Variants in MYH2 observed in about 807,000 individuals in gnomAD.
MYH2 encodes the protein myosin heavy chain 2.
In MYH2, 139 loss-of-function variants were observed where a neutral mutation model predicts 228.1. The ratio of observed to expected loss-of-function variants is 0.61; its 90% CI spans 0.53 to 0.70. The LOEUF (loss-of-function observed/expected upper bound fraction) is 0.70, where lower values mean the gene tolerates loss of function less well. Among genes scored for constraint, MYH2 ranks in the 30% least tolerant of loss-of-function variants. The pLI is 0.00. For missense variants in MYH2, 1,809 were observed against 2,357.5 expected (o/e 0.77, Z 4.82); for synonymous variants, 796 against 871.1 (o/e 0.91, Z 1.52).
intron 5 of MYH2, among the ~76,000 whole-genome samples, chr17:10,544,861 C>T (rs1036187087): frequency 6.6e-6 from 1 of 152,012 alleles, no homozygotes; most frequent in African/African-American, 2.4e-5. Flanking sequence ...GGGCAAAGGG[C>T]GATAGCATTG....
intron 35 of MYH2, 34 bp from the exon 36 acceptor site, chr17:10,523,918 G>T: frequency 6.2e-7 from 1 of 1,603,558 alleles, no homozygotes; most frequent in Non-Finnish European, 8.5e-7. Flanking sequence ...TTAAAAAATT[G>T]TGTTACCAAA....
intron 39 of MYH2, among the ~76,000 whole-genome samples, chr17:10,521,772 A>G (rs1292452650): frequency 6.6e-6 from 1 of 151,986 alleles, no homozygotes; most frequent in Non-Finnish European, 1.5e-5. Flanking sequence ...TTTTCCCTTG[A>G]GTTAGATTTT....
chr17:10,546,256 G>GATATATATATATATATATATAT lies in MYH2; in HGVS notation c.349-776_349-755dup, dbSNP rs71139049. Reference sequence around the variant, plus strand: ...GTTATAAGGAAACAGGACACGAAATGATATATATATATATATATATATATA... The same window carrying GATATATATATATATATATATAT: ...GTTATAAGGAAACAGGACACGAAATGATATATATATATATATATATATATATATATATATATATATATATATA... On this transcript the variant is annotated intron_variant, in intron 4 of 39. Transcript: ENST00000245503. Among the ~76,000 whole-genome samples the GATATATATATATATATATATAT allele has an allele frequency of 1.6e-3, 108 of 66,112 alleles. 12 individuals carry two copies. Among genetic ancestry groups the GATATATATATATATATATATAT allele is most frequent in the Middle Eastern group, 7.9e-3 (1 of 126 alleles). 43.4% of individuals were successfully genotyped at this position (66,112 alleles called of 152,430 possible).
Position 10,542,912 on chromosome 17 carries a change from A to C in MYH2, c.867T>G (p.Phe289Leu). Reference sequence around the variant, plus strand: ...GTTTCTTATTCGATGTAATCTGGTAAAAAATATGATAACTTCTCTCAGCCT... The same window carrying C: ...GTTTCTTATTCGATGTAATCTGGTACAAAATATGATAACTTCTCTCAGCCT... ...QLKAERSYHI[F>L]YQITSNKKPE... The change falls in exon 10 of 40, where the codon TTT (phenylalanine) becomes TTG (leucine). Residue 289 changes from phenylalanine (F) to leucine (L), a missense_variant. Coordinates refer to ENST00000245503, the MANE Select transcript of MYH2 (RefSeq NM_017534.6). The C allele has an allele frequency of 6.2e-7, 1 of 1,612,298 alleles. No individual in the cohort carries two copies. The highest frequency in any genetic ancestry group is 8.5e-7 in the Non-Finnish European group (1 of 1,178,600).
chr17:10,540,700 A>G lies in MYH2; in HGVS notation c.905-3T>C. On this transcript the variant is annotated splice_region_variant and splice_polypyrimidine_tract_variant and intron_variant, in intron 10 of 39. Transcript: ENST00000245503. ...GTTCGTGGTAATCAGAAGCATTTCTAAGTACAGGAAACAGAACAAAGATAA... is the reference window on the plus strand; with the variant it reads ...GTTCGTGGTAATCAGAAGCATTTCTGAGTACAGGAAACAGAACAAAGATAA... 1 of 1,580,852 alleles carries G rather than the reference A, an allele frequency of 6.3e-7. No individual in the cohort carries two copies. The highest frequency in any genetic ancestry group is 8.7e-7 in the Non-Finnish European group (1 of 1,149,526).
Position 10,546,333 on chromosome 17 carries a change from G to T in MYH2, c.349-831C>A, listed in dbSNP as rs549451811. Among the ~76,000 whole-genome samples the T allele has an allele frequency of 6.7e-4, 87 of 130,780 alleles. No homozygotes were observed. In the East Asian group the frequency reaches 0.019, roughly 29 times the overall value. The allele number at this position is 130,780 out of a possible 152,430, so 85.8% of individuals were successfully genotyped here. On this transcript the variant is annotated intron_variant, in intron 4 of 39. Transcript: ENST00000245503. ...GGGATTTAAAAAATCTTTGACAATTGGTTCAAGACAAGCACCAACTAGTTA... is the reference window on the plus strand; with the variant it reads ...GGGATTTAAAAAATCTTTGACAATTTGTTCAAGACAAGCACCAACTAGTTA...
At chr17:10,546,256 G>GATATATATATATATATATATATATATAT (rs71139049) in intron 4 of MYH2, among the ~76,000 whole-genome samples, 7 of 66,132 alleles carry the variant, frequency 1.1e-4, no homozygotes, top group African/African-American at 2.9e-4. Flanking sequence ...GACACGAAAT[G>GATATATATATATATATATATATATATAT]ATATATATAT....
chr17:10,541,472 C>G (rs2142316000), intron 10 of MYH2, among the ~76,000 whole-genome samples: 1 of 152,328 alleles, frequency 6.6e-6, no homozygotes, highest in East Asian at 1.9e-4. Context: ...CGGTTGTCTG[C>G]TCTCAAACCC....
At chr17:10,535,851 AT>A (rs1430759791) in intron 17 of MYH2, among the ~76,000 whole-genome samples, 1 of 152,178 alleles carries the variant, frequency 6.6e-6, no homozygotes, top group Non-Finnish European at 1.5e-5. Flanking sequence ...ACCAATTATA[AT>A]TGAAAATTGA....
chr17:10,536,453 A>G lies in MYH2; in HGVS notation c.1974+77T>C, dbSNP rs3744568. 68,193 of 1,171,752 alleles carry G rather than the reference A, an allele frequency of 0.058. 2,313 individuals carry two copies. Among genetic ancestry groups the G allele is most frequent in the South Asian group, 0.11 (8,128 of 73,438 alleles). The allele number at this position is 1,171,752 out of a possible 1,614,324, so 72.6% of individuals were successfully genotyped here. A position where few individuals can be genotyped will look rare whatever the true frequency, so the allele number is the denominator to read the frequency against. ...ATAAATATATCCTTAGAACAAAAATAGAAGTTCAGAAAAACAGACCCATGT... is the reference window on the plus strand; with the variant it reads ...ATAAATATATCCTTAGAACAAAAATGGAAGTTCAGAAAAACAGACCCATGT... On this transcript the variant is annotated intron_variant, in intron 17 of 39. Coordinates refer to ENST00000245503, the MANE Select transcript of MYH2 (RefSeq NM_017534.6).
chr17:10,525,869 G>A lies in MYH2; in HGVS notation c.4195C>T (p.Leu1399=). The part of the protein sequence containing the change: ...TEELEEAKKK[L]AQRLQAAEEH... Reference sequence around the variant, plus strand: ...TCAGCTGCCTGCAGCCGCTGGGCCAGCTTCTTCCTTGAATATTATACATGT... The same window carrying A: ...TCAGCTGCCTGCAGCCGCTGGGCCAACTTCTTCCTTGAATATTATACATGT... Residue 1399 remains leucine (L), a synonymous_variant, in exon 31 of 40, where the codon CTG becomes TTG. Transcript: ENST00000245503. The surrounding 1 kb of genome is among the most constrained non-coding windows in gnomAD (Gnocchi z 4.2). 1.2e-6 allele frequency: 2 copies of A among 1,614,128 alleles called. No homozygotes were observed. Among genetic ancestry groups the A allele is most frequent in the Non-Finnish European group, 8.5e-7 (1 of 1,179,994 alleles).
In MYH2 at chr17:10,545,395, C is replaced by T. The variant is rs772443784; in HGVS notation, c.456G>A (p.Pro152=). ...AYRGKKRQEA[P]PHIFSISDNA... ...TGTCAGAGATGGAGAAGATGTGGGG[C>T]GGGGCCTCCTGGCGCTTTTTGCCTC... The change falls in exon 5 of 40, where the codon CCG becomes CCA. Residue 152 remains proline (P), a synonymous_variant. Coordinates refer to ENST00000245503, the MANE Select transcript of MYH2 (RefSeq NM_017534.6). The T allele has an allele frequency of 5.6e-6, 9 of 1,613,906 alleles. No homozygotes were observed. The highest frequency in any genetic ancestry group is 2.2e-5 in the East Asian group (1 of 44,888).
At chr17:10,535,014 C>T in intron 19 of MYH2, 59 bp downstream of exon 19, 3 of 1,561,678 alleles carry the variant, frequency 1.9e-6, no homozygotes, top group Non-Finnish European at 2.6e-6. Flanking sequence ...AATTGTTTTG[C>T]TTGCATTAAA....
chr17:10,545,280 G>A, intron 5 of MYH2, 66 bp downstream of exon 5: 4 of 1,611,136 alleles, frequency 2.5e-6, no homozygotes, highest in Non-Finnish European at 3.4e-6. Flanking sequence ...AGATTGCCTC[G>A]AGTCTCTTTC....
intron 16 of MYH2, 111 bp from the exon 17 acceptor site, chr17:10,536,717 C>A: frequency 3.1e-6 from 3 of 970,380 alleles, no homozygotes; most frequent in Non-Finnish European, 1.6e-6. Flanking sequence ...CCCAGCTGGC[C>A]TCTCTGATTG....
chr17:10,523,407 C>A lies in MYH2; in HGVS notation c.5478G>T (p.Arg1826=), dbSNP rs1035499539. 1.7e-5 allele frequency: 27 copies of A among 1,614,192 alleles called. No homozygotes were observed. The highest frequency in any genetic ancestry group is 2.2e-5 in the Non-Finnish European group (26 of 1,180,040). ...KQIQKLEARV[R]ELEGEVESEQ... The stretch of plus-strand genomic sequence containing the variant: ...CACTCTCAACCTCTCCTTCCAGCTC[C>A]CGTACCTGCAAATAAGTAGGCTCTT... Residue 1826 remains arginine, a synonymous_variant, in exon 38 of 40, where the codon CGG becomes CGT. Coordinates refer to ENST00000245503, the MANE Select transcript of MYH2 (RefSeq NM_017534.6).
intron 17 of MYH2, 112 bp downstream of exon 17, chr17:10,536,418 A>G (rs1345214165): frequency 2.4e-6 from 2 of 833,072 alleles, no homozygotes; most frequent in Non-Finnish European, 3.8e-6. Context: ...TGATATTAGT[A>G]TATGAATAGA....
chr17:10,528,605 T>G (rs1254397407), intron 27 of MYH2, 85 bp downstream of exon 27: 44 of 1,595,166 alleles, frequency 2.8e-5, no homozygotes, highest in Non-Finnish European at 3.7e-5. Context: ...AACAAATGAC[T>G]TAATGTGTAA....
rs2073337690 is a variant in MYH2 at position 10,525,336 on chromosome 17, T to C, written c.4550A>G (p.Asp1517Gly). The C allele has an allele frequency of 6.2e-7, 1 of 1,614,174 alleles. No homozygotes were observed. Among genetic ancestry groups the C allele is most frequent in the Non-Finnish European group, 8.5e-7 (1 of 1,180,018 alleles). The change falls in exon 33 of 40, where the codon GAC becomes GGC. Residue 1517 changes from aspartate to glycine, a missense_variant. Transcript: ENST00000245503. This position sits in a 1 kb window ranked among gnomAD's most constrained non-coding sequence, Gnocchi z 4.2. ...ENKNLQQEIS[D>G]LTEQIAEGGK... ...TCCTTCTGCAATCTGTTCCGTGAGG[T>C]CAGAAATCTCCTCTGTTGTTTGAGT...
Sources: allele counts gnomAD v4.1 joint callset (sites outside exome capture counted in the v4.1 genomes callset), GRCh38; gene constraint gnomAD v4.1.1; non-coding constraint Gnocchi (gnomAD v3.1); transcripts MANE v1.5; gene names NCBI Gene and HGNC (gene_info 2026-07-23, HGNC 2026-07-21).